The following AFF1 variants were observed in gnomAD, a reference collection of about 807,000 sequenced individuals.
AFF1 encodes ALF transcription elongation factor 1.
A neutral mutation model predicts 121.7 loss-of-function variants in AFF1; 48 were observed. The ratio of observed to expected loss-of-function variants is 0.39; its 90% CI spans 0.31 to 0.50. AFF1 has a LOEUF of 0.50. Ranked by LOEUF, AFF1 falls within the 20% of genes least tolerant of loss-of-function variation. The pLI, the probability that AFF1 is intolerant of heterozygous loss-of-function variation, is 0.76. For missense variants in AFF1, 1,523 were observed against 1,511.7 expected (o/e 1.01, Z -0.12); for synonymous variants, 613 against 563.0 (o/e 1.09, Z -1.26).
chr4:87,059,151 T>TC (rs1049394383), intron 4 of AFF1, among the ~76,000 whole-genome samples: 6 of 152,328 alleles, frequency 3.9e-5, no homozygotes, highest in African/African-American at 1.4e-4. Flanking sequence ...CTGCCGTTGC[T>TC]CACGAACACC....
At chr4:86,994,027 GACCTAAA>G (rs1724924074) in intron 2 of AFF1, among the ~76,000 whole-genome samples, 1 of 152,136 alleles carries the variant, frequency 6.6e-6, no homozygotes, top group African/African-American at 2.4e-5. Flanking sequence ...TCTGGGATGG[GACCTAAA>G]ACTGCATTTC....
chr4:87,020,709 C>G (rs1029703137), intron 2 of AFF1: 2 of 733,762 alleles, frequency 2.7e-6, no homozygotes, highest in Non-Finnish European at 3.3e-6. Flanking sequence ...TGTTCTCAGT[C>G]TCCTGACCTC....
chr4:86,996,011 A>T, intron 2 of AFF1, among the ~76,000 whole-genome samples: 1 of 103,316 alleles, frequency 9.7e-6, no homozygotes, highest in East Asian at 2.3e-4. Flanking sequence ...GCCCCGTCTG[A>T]GAAGTGAGGA....
intron 2 of AFF1, among the ~76,000 whole-genome samples, chr4:86,996,617 A>G (rs2149514043): frequency 6.6e-6 from 1 of 151,546 alleles, no homozygotes; most frequent in South Asian, 2.1e-4. Flanking sequence ...TGCCTAGGAA[A>G]ACCAGAGACC....
intron 2 of AFF1, among the ~76,000 whole-genome samples, chr4:87,026,520 C>G (rs777723517): frequency 2.6e-4 from 39 of 152,276 alleles, no homozygotes; most frequent in Admixed American, 3.9e-4. Flanking sequence ...GACTGACAAA[C>G]AGCAGTCTCT....
At chr4:86,964,128 G>GTTT (rs571643813) in intron 2 of AFF1, among the ~76,000 whole-genome samples, 4 of 132,030 alleles carry the variant, frequency 3.0e-5, no homozygotes, top group Non-Finnish European at 3.3e-5. Context: ...TGTTCTTTTG[G>GTTT]TTTTTTTTTT....
At chr4:87,077,197 G>A (rs573718102) in intron 4 of AFF1, among the ~76,000 whole-genome samples, 23 of 152,296 alleles carry the variant, frequency 1.5e-4, no homozygotes, top group Admixed American at 3.9e-4. Context: ...TGGAAAGTTC[G>A]TGAAGTTTAG....
At chr4:87,101,434 A>C (rs1375267790) in intron 8 of AFF1, among the ~76,000 whole-genome samples, 2 of 152,110 alleles carry the variant, frequency 1.3e-5, no homozygotes, top group African/African-American at 4.8e-5. Context: ...AAAAATTGCC[A>C]AGCATGGTGG....
chr4:87,013,153 G>C (rs961501215), intron 2 of AFF1, among the ~76,000 whole-genome samples: 2 of 148,016 alleles, frequency 1.4e-5, no homozygotes, highest in Non-Finnish European at 3.0e-5. Flanking sequence ...AAGCCATTCT[G>C]CCTCAGCCTC....
At chr4:87,132,606 GTTT>G (rs1232559218) in intron 19 of AFF1, among the ~76,000 whole-genome samples, 198 bp downstream of exon 19, 2 of 152,150 alleles carry the variant, frequency 1.3e-5, no homozygotes, top group Non-Finnish European at 2.9e-5. Flanking sequence ...ATAAATCAAG[GTTT>G]TTGCTGATTG....
rs376593353 is a variant in AFF1 at position 86,988,618 on chromosome 4, A to G, written c.38+40047A>G. 7.9e-5 allele frequency among the ~76,000 whole-genome samples: 12 copies of G among 152,340 alleles called. No individual in the cohort carries two copies. The South Asian group carries it at 2.3e-3, about 29-fold the overall frequency. On this transcript the variant is annotated intron_variant, in intron 2 of 20. Coordinates refer to ENST00000395146, the MANE Select transcript of AFF1 (RefSeq NM_001166693.3). ...TATCGTGAAAATGGCCATACTGCCC[A>G]AAGTAATTTATAGATTCAATGCTGT...
chr4:86,969,897 A>AAAAAAAAAAAAAAAAAAT (rs1722821231), intron 2 of AFF1, among the ~76,000 whole-genome samples: 1 of 145,562 alleles, frequency 6.9e-6, no homozygotes, highest in East Asian at 2.0e-4. Flanking sequence ...AAAAAAAAAA[A>AAAAAAAAAAAAAAAAAAT]GGTAAGATAG....
chr4:86,967,654 T>G (rs1211992314), intron 2 of AFF1, among the ~76,000 whole-genome samples: 2 of 151,968 alleles, frequency 1.3e-5, no homozygotes, highest in Non-Finnish European at 2.9e-5. Context: ...TTTTTTTTTT[T>G]GTAAACAATG....
intron 2 of AFF1, among the ~76,000 whole-genome samples, chr4:87,001,047 G>A (rs1725672306): frequency 6.6e-6 from 1 of 151,982 alleles, no homozygotes; most frequent in South Asian, 2.1e-4. Flanking sequence ...TTACCTGGAT[G>A]TGTTTAATGA....
chr4:87,023,232 A>G (rs902158763), intron 2 of AFF1, among the ~76,000 whole-genome samples: 40 of 152,104 alleles, frequency 2.6e-4, no homozygotes, highest in African/African-American at 8.9e-4. Context: ...GTGCTTTTCA[A>G]TGTTATCTTA....
At chr4:87,094,260 G>A (rs1430259211) in intron 7 of AFF1, among the ~76,000 whole-genome samples, 1 of 152,184 alleles carries the variant, frequency 6.6e-6, no homozygotes, top group East Asian at 1.9e-4. Context: ...ATTACCAAGA[G>A]AGCAACCATT....
chr4:87,121,454 C>T (rs374925591), intron 12 of AFF1, among the ~76,000 whole-genome samples: 15 of 152,302 alleles, frequency 9.8e-5, no homozygotes, highest in East Asian at 7.7e-4. Context: ...CATCCAGTGC[C>T]CTCAGCTGTG....
chr4:87,059,146 G>A (rs780389860), intron 4 of AFF1, among the ~76,000 whole-genome samples: 2 of 152,138 alleles, frequency 1.3e-5, no homozygotes, highest in African/African-American at 4.8e-5. Flanking sequence ...TTCAACTGCC[G>A]TTGCTCACGA....
At chr4:87,018,753 A>G (rs1042180009) in intron 2 of AFF1, among the ~76,000 whole-genome samples, 2 of 152,362 alleles carry the variant, frequency 1.3e-5, no homozygotes, top group South Asian at 2.1e-4. Context: ...CAAAGTGAGT[A>G]CCATAACAAC....
Sources: allele counts gnomAD v4.1 joint callset (sites outside exome capture counted in the v4.1 genomes callset), GRCh38; gene constraint gnomAD v4.1.1; transcripts MANE v1.5; gene names NCBI Gene and HGNC (gene_info 2026-07-23, HGNC 2026-07-21).